ESRRG: variants seen among roughly 807,000 people sequenced by gnomAD.
ESRRG encodes the protein estrogen-related receptor gamma.
In ESRRG, 13 loss-of-function variants were observed where a neutral mutation model predicts 44.0. The observed-to-expected ratio is 0.30, with a 90% CI of 0.19 to 0.47. The LOEUF is 0.47. ESRRG is among the 20% of genes least tolerant of loss of function. The pLI is 1.00. For synonymous variants in ESRRG, 215 were observed against 214.6 expected (o/e 1.00, Z -0.02); for missense variants, 395 against 580.6 (o/e 0.68, Z 3.29).
intron 1 of ESRRG, among the ~76,000 whole-genome samples, chr1:217,125,208 T>C (rs1558288951): frequency 6.6e-6 from 1 of 152,158 alleles, no homozygotes; most frequent in Non-Finnish European, 1.5e-5. Context: ...TCCATACCAG[T>C]ACCACAAGTG....
intron 2 of ESRRG, among the ~76,000 whole-genome samples, chr1:216,776,863 G>T (rs1034268790): frequency 6.6e-6 from 1 of 152,140 alleles, no homozygotes; most frequent in Non-Finnish European, 1.5e-5. Flanking sequence ...GTGGCCAGAT[G>T]GGGACAGGGA....
At chr1:216,775,551 C>CTTTTTTTTTTTTTTTTTTTTTTT (rs71163765) in intron 2 of ESRRG, among the ~76,000 whole-genome samples, 2 of 74,834 alleles carry the variant, frequency 2.7e-5, no homozygotes, top group East Asian at 7.5e-4. Flanking sequence ...AATGTCACAT[C>CTTTTTTTTTTTTTTTTTTTTTTT]TTTTTTTTTT....
intron 1 of ESRRG, among the ~76,000 whole-genome samples, chr1:217,116,832 G>T (rs1020627296): frequency 1.3e-5 from 2 of 152,140 alleles, no homozygotes; most frequent in African/African-American, 4.8e-5. Context: ...GGTAGGCATG[G>T]AGTTGGCAAG....
At chr1:216,893,561 G>T (rs1251092023) in intron 2 of ESRRG, among the ~76,000 whole-genome samples, 1 of 152,082 alleles carries the variant, frequency 6.6e-6, no homozygotes, top group Non-Finnish European at 1.5e-5. Context: ...ACAGTGTCTG[G>T]CAAGCAGTAA....
chr1:216,993,725 G>C (rs1276136009), intron 1 of ESRRG, among the ~76,000 whole-genome samples: 1 of 152,148 alleles, frequency 6.6e-6, no homozygotes, highest in African/African-American at 2.4e-5. Flanking sequence ...CTCCTGGCTA[G>C]GTTTGTGGCT....
At chr1:216,869,611 C>T (rs562109251) in intron 2 of ESRRG, among the ~76,000 whole-genome samples, 19 of 151,992 alleles carry the variant, frequency 1.3e-4, no homozygotes, top group Non-Finnish European at 2.2e-4. Context: ...ATAGAAATTT[C>T]ATTAAATCTA....
chr1:216,529,914 C>A (rs966120592), intron 5 of ESRRG, among the ~76,000 whole-genome samples: 5 of 151,818 alleles, frequency 3.3e-5, no homozygotes, highest in Admixed American at 3.3e-4. Context: ...GAGCTCGAGA[C>A]CAGCCTGGCC....
intron 1 of ESRRG, among the ~76,000 whole-genome samples, chr1:217,135,951 G>T (rs2093043731): frequency 2.1e-5 from 3 of 144,576 alleles, no homozygotes; most frequent in Admixed American, 1.4e-4. Context: ...TCCCACCCCC[G>T]CCCCCTTTGC....
chr1:216,815,425 G>A (rs1427182432), intron 2 of ESRRG, among the ~76,000 whole-genome samples: 1 of 152,198 alleles, frequency 6.6e-6, no homozygotes, highest in Non-Finnish European at 1.5e-5. Context: ...AGACAACACT[G>A]CCCTCTAAAT....
At chr1:216,709,663 G>T (rs2083200047) in intron 1 of ESRRG, among the ~76,000 whole-genome samples, 1 of 150,624 alleles carries the variant, frequency 6.6e-6, no homozygotes, top group Non-Finnish European at 1.5e-5. Flanking sequence ...TTTTTTGCCA[G>T]CTTTTTTTTC....
intron 5 of ESRRG, among the ~76,000 whole-genome samples, chr1:216,563,100 T>G (rs1292580310): frequency 6.6e-6 from 1 of 152,196 alleles, no homozygotes. Context: ...TTAACTAGTT[T>G]TGACTTAATT....
intron 1 of ESRRG, among the ~76,000 whole-genome samples, chr1:216,706,882 T>A (rs2082562677): frequency 6.6e-6 from 1 of 152,052 alleles, no homozygotes; most frequent in African/African-American, 2.4e-5. Flanking sequence ...AATAAATAAA[T>A]AAAACTCCTA....
chr1:216,866,007 A>G (rs2096150743), intron 2 of ESRRG, among the ~76,000 whole-genome samples: 1 of 152,210 alleles, frequency 6.6e-6, no homozygotes, highest in South Asian at 2.1e-4. Flanking sequence ...GTTTATCTTT[A>G]GAATGTATAA....
intron 3 of ESRRG, among the ~76,000 whole-genome samples, chr1:216,599,823 G>GAAA (rs1314401225): frequency 7.3e-6 from 1 of 136,968 alleles, no homozygotes; most frequent in African/African-American, 2.6e-5. Flanking sequence ...GAATTAACAG[G>GAAA]AAAAAAAAAA....
At chr1:216,676,940 G>A in intron 2 of ESRRG, 136 bp downstream of exon 2, 1 of 643,910 alleles carries the variant, frequency 1.6e-6, no homozygotes, top group Non-Finnish European at 2.7e-6. Flanking sequence ...ACTATCAATT[G>A]TAATCTATTT....
chr1:216,727,334 C>T (rs1213545998), upstream of ESRRG, among the ~76,000 whole-genome samples: 2 of 151,910 alleles, frequency 1.3e-5, no homozygotes, highest in African/African-American at 4.8e-5. Flanking sequence ...AAAAGCAAAC[C>T]AAGACAATTA....
At chr1:217,118,672 G>T (rs963876262) in intron 1 of ESRRG, among the ~76,000 whole-genome samples, 4 of 152,086 alleles carry the variant, frequency 2.6e-5, no homozygotes, top group African/African-American at 9.7e-5. Context: ...TTAATGTGGG[G>T]TTAAGATAGG....
chr1:216,791,277 C>A (rs1028168919), intron 2 of ESRRG, among the ~76,000 whole-genome samples: 1 of 151,874 alleles, frequency 6.6e-6, no homozygotes, highest in African/African-American at 2.4e-5. Context: ...TTTAAAAGTG[C>A]GTGGCACCTC....
At position 216,651,079 on chromosome 1, in the gene ESRRG, T is replaced by C; in HGVS notation, c.483A>G (p.Glu161=). 6.2e-7 allele frequency: 1 copy of C among 1,601,556 alleles called. No homozygotes were observed. The highest frequency in any genetic ancestry group is 8.6e-7 in the Non-Finnish European group (1 of 1,168,750). The change falls in exon 3 of 7, where the codon GAA becomes GAG. Residue 161 remains glutamate, a synonymous_variant. Coordinates refer to ENST00000408911, the MANE Select transcript of ESRRG (RefSeq NM_001438.4). ...FFKRTIQGNI[E]YSCPATNECE... ...ATTCATTCGTGGCAGGGCAGCTGTA[T>C]TCTATATTGCCTAAAACACAAGTTT...
Sources: allele counts gnomAD v4.1 joint callset (sites outside exome capture counted in the v4.1 genomes callset), GRCh38; gene constraint gnomAD v4.1.1; transcripts MANE v1.5; gene names NCBI Gene and HGNC (gene_info 2026-07-23, HGNC 2026-07-21).